Variants in MEIS2 observed in about 807,000 individuals in gnomAD.
MEIS2 encodes the protein homeobox protein Meis2.
Under a neutral mutation model 58.6 loss-of-function variants are expected in MEIS2, and 9 were observed. That is an observed-to-expected ratio of 0.15 (90% CI 0.09 to 0.27). MEIS2 has a LOEUF of 0.27. Ranked by LOEUF, MEIS2 falls within the 10% of genes least tolerant of loss-of-function variation. MEIS2 has a pLI of 1.00. For synonymous variants in MEIS2, 221 were observed against 228.4 expected (o/e 0.97, Z 0.29); for missense variants, 427 against 635.0 (o/e 0.67, Z 3.52).
chr15:36,928,083 A>G (rs2057820650), intron 9 of MEIS2, among the ~76,000 whole-genome samples: 1 of 152,162 alleles, frequency 6.6e-6, no homozygotes, highest in South Asian at 2.1e-4. Context: ...TATTTTCAGA[A>G]TGCCTCTGTG....
At chr15:37,039,444 T>A (rs2062318235) in intron 7 of MEIS2, among the ~76,000 whole-genome samples, 1 of 152,236 alleles carries the variant, frequency 6.6e-6, no homozygotes, top group African/African-American at 2.4e-5. Flanking sequence ...TGAATGCACT[T>A]ATTTTAAAAG....
intron 9 of MEIS2, among the ~76,000 whole-genome samples, chr15:36,933,734 ACT>A (rs1398891467): frequency 1.3e-5 from 2 of 151,592 alleles, no homozygotes; most frequent in African/African-American, 2.4e-5. Context: ...TTTTTGTTTG[ACT>A]CTATTTATAT....
chr15:37,000,816 C>A (rs988985038), intron 8 of MEIS2, among the ~76,000 whole-genome samples: 5 of 152,142 alleles, frequency 3.3e-5, no homozygotes, highest in African/African-American at 4.8e-5. Flanking sequence ...AAGCAAAAAA[C>A]AAGCAACTTT....
chr15:37,099,489 C>T lies in MEIS2; in HGVS notation c.-23G>A, dbSNP rs763444139. ...CATCAGTCTGCGCTCCAATAAACTC[C>T]TGGATGTGTCGTATATTTAATATCC... On this transcript the variant is annotated 5_prime_UTR_variant, in exon 1 of 12. Transcript: ENST00000561208. 3 of 1,613,684 alleles carry T rather than the reference C, an allele frequency of 1.9e-6. No homozygotes were observed. The highest frequency in any genetic ancestry group is 2.7e-5 in the African/African-American group (2 of 74,796).
intron 9 of MEIS2, among the ~76,000 whole-genome samples, chr15:36,899,428 G>A (rs1343451873): frequency 3.9e-5 from 6 of 152,160 alleles, no homozygotes; most frequent in Admixed American, 1.3e-4. Context: ...ACATAACATG[G>A]AGCCATTTAA....
At chr15:36,906,662 A>AC (rs1453132886) in intron 9 of MEIS2, among the ~76,000 whole-genome samples, 1 of 151,766 alleles carries the variant, frequency 6.6e-6, no homozygotes, top group Non-Finnish European at 1.5e-5. Context: ...AAAAAAAAAA[A>AC]AAAAAAAAAC....
intron 8 of MEIS2, among the ~76,000 whole-genome samples, chr15:36,960,895 A>T (rs1457172848): frequency 6.6e-6 from 1 of 152,166 alleles, no homozygotes; most frequent in Non-Finnish European, 1.5e-5. Context: ...TGTACTAGTA[A>T]ATAAAGCAAT....
chr15:36,947,680 A>G (rs945944061), intron 9 of MEIS2, among the ~76,000 whole-genome samples: 10 of 151,884 alleles, frequency 6.6e-5, no homozygotes, highest in Admixed American at 1.3e-4. Context: ...TCTCAATCGG[A>G]GAAGTGGGCA....
At chr15:36,991,819 G>A (rs1240261122) in intron 8 of MEIS2, among the ~76,000 whole-genome samples, 193 of 102,700 alleles carry the variant, frequency 1.9e-3, no homozygotes, top group African/African-American at 7.0e-3. Context: ...ACGGAGTCTC[G>A]CTCTGTCGCC....
chr15:36,892,108 T>C lies in MEIS2; in HGVS notation c.*65A>G. The C allele has an allele frequency of 6.5e-7, 1 of 1,541,726 alleles. No homozygotes were observed. Among genetic ancestry groups the C allele is most frequent in the South Asian group, 1.2e-5 (1 of 86,636 alleles). ...TTTCATATTAAGTGTCAACATCTGG[T>C]CAAAGTTCAGAAAGTCTTAAAATAG... is the stretch of plus-strand genomic sequence containing the variant. On this transcript the variant is annotated 3_prime_UTR_variant, in exon 12 of 12. Transcript: ENST00000561208.
intron 7 of MEIS2, among the ~76,000 whole-genome samples, chr15:37,043,162 G>A (rs928175361): frequency 1.3e-5 from 2 of 152,012 alleles, no homozygotes; most frequent in African/African-American, 4.8e-5. Context: ...GGGAACTTGT[G>A]GTACATTATT....
intron 8 of MEIS2, among the ~76,000 whole-genome samples, chr15:36,978,597 A>G (rs570224421): frequency 1.3e-5 from 2 of 152,342 alleles, no homozygotes; most frequent in South Asian, 4.1e-4. Flanking sequence ...GCAAAAAGAA[A>G]ACAAATTAAG....
intron 9 of MEIS2, among the ~76,000 whole-genome samples, chr15:36,906,476 G>C (rs1277262829): frequency 6.6e-6 from 1 of 152,050 alleles, no homozygotes; most frequent in African/African-American, 2.4e-5. Flanking sequence ...AAGATATTAA[G>C]AGGATAAGTC....
rs1157845687 is a variant in MEIS2, at chr15:37,098,384, GAGAGAGA to G, written c.13-192_13-186del. 19 of 753,356 alleles carry G rather than the reference GAGAGAGA, an allele frequency of 2.5e-5. No homozygotes were observed. The African/African-American group carries it at 4.4e-4, about 17-fold the overall frequency. The allele number at this position is 753,356 out of a possible 1,614,324, so 46.7% of individuals were successfully genotyped here. A position where few individuals can be genotyped will look rare whatever the true frequency, so the allele number is the denominator to read the frequency against. ...GGAGGAAAAGGAGGAGAGGGGGAGA[GAGAGAGA>G]GAGAGAGAGAGAGAGAGAGAGAGAG... is the stretch of plus-strand genomic sequence containing the variant. On this transcript the variant is annotated intron_variant, in intron 1 of 11. Coordinates refer to ENST00000561208, the MANE Select transcript of MEIS2 (RefSeq NM_170675.5).
At chr15:36,935,189 T>C (rs1961695896) in intron 9 of MEIS2, among the ~76,000 whole-genome samples, 1 of 149,316 alleles carries the variant, frequency 6.7e-6, no homozygotes, top group Admixed American at 6.7e-5. Flanking sequence ...CTTTTTTCTT[T>C]TTTTTTTTTT....
chr15:37,019,302 G>T (rs944465248), intron 8 of MEIS2, among the ~76,000 whole-genome samples: 2 of 152,098 alleles, frequency 1.3e-5, no homozygotes, highest in African/African-American at 4.8e-5. Context: ...CTACCTTTCT[G>T]TTTCACCCCT....
intron 8 of MEIS2, among the ~76,000 whole-genome samples, chr15:37,004,540 G>C (rs2060848354): frequency 6.6e-6 from 1 of 152,212 alleles, no homozygotes; most frequent in Non-Finnish European, 1.5e-5. Context: ...AGATGATTCT[G>C]TTACACGTGT....
chr15:36,929,759 G>A (rs920801243), intron 9 of MEIS2, among the ~76,000 whole-genome samples: 2 of 152,198 alleles, frequency 1.3e-5, no homozygotes, highest in Non-Finnish European at 2.9e-5. Context: ...TGGTTTTGAA[G>A]GAGGCAGCAA....
intron 8 of MEIS2, among the ~76,000 whole-genome samples, chr15:37,021,868 A>T (rs1306532755): frequency 6.6e-6 from 1 of 152,196 alleles, no homozygotes; most frequent in African/African-American, 2.4e-5. Context: ...TAATAAAATT[A>T]AAATTATATC....
Sources: gnomAD v4.1 joint callset for allele counts (sites outside exome capture counted in the v4.1 genomes callset) on GRCh38, gnomAD v4.1.1 for gene constraint, MANE v1.5 for transcripts, NCBI Gene and HGNC (gene_info 2026-07-23, HGNC 2026-07-21) for gene names.